DCDC2C: variants seen among roughly 807,000 people sequenced by gnomAD.
DCDC2C encodes the protein doublecortin domain-containing protein 2C.
In DCDC2C, 44 loss-of-function variants were observed where a neutral mutation model predicts 45.0. The ratio of observed to expected loss-of-function variants is 0.98; its 90% CI spans 0.77 to 1.26. DCDC2C has a LOEUF of 1.26. Among genes scored for constraint, DCDC2C ranks in the 50% most tolerant of loss-of-function variants. The pLI, the probability that DCDC2C is intolerant of heterozygous loss-of-function variation, is 0.00. For synonymous variants in DCDC2C, 187 were observed against 178.8 expected (o/e 1.05, Z -0.37); for missense variants, 447 against 468.9 (o/e 0.95, Z 0.43).
intron 9 of DCDC2C, among the ~76,000 whole-genome samples, chr2:3,783,711 C>T (rs1194036266): frequency 1.3e-5 from 2 of 152,216 alleles, no homozygotes; most frequent in African/African-American, 2.4e-5. Context: ...CGTGGGGCAT[C>T]GCAAGGCCTC....
chr2:3,761,258 T>G lies in DCDC2C; in HGVS notation c.727-6496T>G, dbSNP rs1264603213. On this transcript the variant is annotated intron_variant, in intron 6 of 10. Transcript: ENST00000399143. The surrounding 1 kb of genome is among the most constrained non-coding windows in gnomAD (Gnocchi z 4.3). Reference sequence around the variant, plus strand: ...AAATCAGTAAATAGTTAATAAGCATTGTATTTATATCACATCTGCAATCAG... The same window carrying G: ...AAATCAGTAAATAGTTAATAAGCATGGTATTTATATCACATCTGCAATCAG... 6.6e-6 allele frequency among the ~76,000 whole-genome samples: 1 copy of G among 152,228 alleles called. No homozygotes were observed. Among genetic ancestry groups the G allele is most frequent in the Non-Finnish European group, 1.5e-5 (1 of 68,038 alleles).
intron 2 of DCDC2C, among the ~76,000 whole-genome samples, chr2:3,720,595 T>A (rs1294460944): frequency 6.6e-6 from 1 of 152,204 alleles, no homozygotes; most frequent in African/African-American, 2.4e-5. Flanking sequence ...AAACTCTCAA[T>A]GGGATGTAGG....
At chr2:3,725,535 CA>C in intron 2 of DCDC2C, among the ~76,000 whole-genome samples, 1 of 130,526 alleles carries the variant, frequency 7.7e-6, no homozygotes, top group African/African-American at 2.9e-5. Context: ...GGAAGACGAG[CA>C]GAGAGGGAGG....
At chr2:3,715,355 G>A (rs748855860) in intron 2 of DCDC2C, among the ~76,000 whole-genome samples, 3 of 152,104 alleles carry the variant, frequency 2.0e-5, no homozygotes, top group Non-Finnish European at 4.4e-5. Context: ...TGTGCCCATT[G>A]TGAGACTGGA....
intron 10 of DCDC2C, among the ~76,000 whole-genome samples, chr2:3,821,918 TCA>T (rs905017678): frequency 1.2e-4 from 19 of 152,138 alleles, no homozygotes. Context: ...AGTTGGATGG[TCA>T]TTACCACTCT....
intron 3 of DCDC2C, among the ~76,000 whole-genome samples, chr2:3,733,911 C>G (rs1274992832): frequency 6.6e-6 from 1 of 152,198 alleles, no homozygotes; most frequent in Non-Finnish European, 1.5e-5. Context: ...GTCCCAAGGC[C>G]TAGAAACCAC....
chr2:3,709,164 T>A (rs987505839), intron 2 of DCDC2C, among the ~76,000 whole-genome samples: 1 of 152,192 alleles, frequency 6.6e-6, no homozygotes, highest in Non-Finnish European at 1.5e-5. Context: ...TATTTAGAAT[T>A]TAACATAATT....
chr2:3,706,019 G>GT (rs926153102), intron 1 of DCDC2C, among the ~76,000 whole-genome samples: 4 of 151,880 alleles, frequency 2.6e-5, no homozygotes, highest in East Asian at 1.9e-4. Context: ...CTTTTCTTCA[G>GT]TTTTTTTTAG....
At chr2:3,710,452 G>T (rs1310036862) in intron 2 of DCDC2C, among the ~76,000 whole-genome samples, 13 of 152,156 alleles carry the variant, frequency 8.5e-5, no homozygotes, top group Admixed American at 8.5e-4. Context: ...GCGAGGACAT[G>T]TGGTGTTTGG....
At chr2:3,786,381 CG>C (rs1670653200) in intron 10 of DCDC2C, among the ~76,000 whole-genome samples, 1 of 129,480 alleles carries the variant, frequency 7.7e-6, no homozygotes, top group Non-Finnish European at 1.6e-5. Context: ...GCCTCCGGTG[CG>C]GGTGTGTCCC....
At chr2:3,831,693 A>C (rs994918644) in intron 10 of DCDC2C, among the ~76,000 whole-genome samples, 2 of 152,214 alleles carry the variant, frequency 1.3e-5, no homozygotes, top group Non-Finnish European at 2.9e-5. Context: ...AACTTGCCTA[A>C]TTGAATTCAG....
chr2:3,816,507 C>T (rs554703477), intron 10 of DCDC2C, among the ~76,000 whole-genome samples: 6 of 152,172 alleles, frequency 3.9e-5, no homozygotes, highest in African/African-American at 1.4e-4. Context: ...CAAAGCCAGC[C>T]ATTGTTTGTT....
chr2:3,840,756 A>G (rs1672191716), intron 10 of DCDC2C, among the ~76,000 whole-genome samples: 1 of 152,216 alleles, frequency 6.6e-6, no homozygotes, highest in East Asian at 1.9e-4. Flanking sequence ...AAGAGAACCT[A>G]TGACCAGTGC....
At position 3,715,957 on chromosome 2, in the gene DCDC2C, C is replaced by T. The variant is rs574098026; in HGVS notation, c.339+7357C>T. 7.5e-4 allele frequency among the ~76,000 whole-genome samples: 114 copies of T among 152,184 alleles called. 1 individual carries two copies. Among genetic ancestry groups the T allele is most frequent in the African/African-American group, 2.6e-3 (109 of 41,494 alleles). On this transcript the variant is annotated intron_variant, in intron 2 of 10. Transcript: ENST00000399143. Reference sequence around the variant, plus strand: ...TCACTGAGGAGGTGACTTTTGAGTCCAGACTCAAAGAAGTGAGGGAGCTGC... The same window carrying T: ...TCACTGAGGAGGTGACTTTTGAGTCTAGACTCAAAGAAGTGAGGGAGCTGC...
At position 3,801,636 on chromosome 2, in the gene DCDC2C, C is replaced by T. The variant is rs558341911; in HGVS notation, c.1065+16536C>T. Among the ~76,000 whole-genome samples, 12 of 152,372 alleles carry T rather than the reference C, an allele frequency of 7.9e-5. No homozygotes were observed. In the East Asian group the frequency reaches 2.3e-3, roughly 29 times the overall value. On this transcript the variant is annotated intron_variant, in intron 10 of 10. Coordinates refer to ENST00000399143, the MANE Select transcript of DCDC2C (RefSeq NM_001287444.2). ...AGCTGTGTCCACTTAGCATCAGAGT[C>T]TTGGCCTGGGTGGCCCCTGGCCCGG...
At chr2:3,841,821 A>T (rs1043757300) in intron 10 of DCDC2C, among the ~76,000 whole-genome samples, 1 of 151,454 alleles carries the variant, frequency 6.6e-6, no homozygotes, top group East Asian at 1.9e-4. Context: ...GTCATACATC[A>T]CTGTGTGACA....
chr2:3,732,593 G>T (rs2148087027), intron 3 of DCDC2C, among the ~76,000 whole-genome samples: 1 of 152,296 alleles, frequency 6.6e-6, no homozygotes, highest in East Asian at 1.9e-4. Flanking sequence ...TTCAAACTGT[G>T]TAAAGGCTGA....
intron 3 of DCDC2C, among the ~76,000 whole-genome samples, chr2:3,729,123 A>C (rs1205534290): frequency 6.6e-6 from 1 of 152,222 alleles, no homozygotes; most frequent in Non-Finnish European, 1.5e-5. Context: ...CCTTGGGAGA[A>C]AAAGCGTTTA....
chr2:3,721,239 G>C (rs187811433), intron 2 of DCDC2C, among the ~76,000 whole-genome samples: 3 of 151,734 alleles, frequency 2.0e-5, no homozygotes, highest in Admixed American at 6.6e-5. Flanking sequence ...CTATTTCATT[G>C]CATCTGTTCT....
Sources: gnomAD v4.1 joint callset for allele counts (sites outside exome capture counted in the v4.1 genomes callset) on GRCh38, gnomAD v4.1.1 for gene constraint, Gnocchi (gnomAD v3.1) non-coding constraint, MANE v1.5 for transcripts, NCBI Gene and HGNC (gene_info 2026-07-23, HGNC 2026-07-21) for gene names.